Variants in D2HGDH observed in about 807,000 individuals in gnomAD.
D2HGDH encodes D-2-hydroxyglutarate dehydrogenase, mitochondrial.
A neutral mutation model predicts 46.9 loss-of-function variants in D2HGDH; 31 were observed. The observed-to-expected ratio is 0.66, with a 90% CI of 0.50 to 0.89. The LOEUF is 0.89. Ranked by LOEUF, D2HGDH falls within the 40% of genes least tolerant of loss-of-function variation. D2HGDH has a pLI of 0.00. For synonymous variants in D2HGDH, 364 were observed against 332.6 expected, an observed-to-expected ratio of 1.09 and a Z score of -1.03; for missense variants, 698 against 720.8, an observed-to-expected ratio of 0.97 and a Z score of 0.36.
At chr2:241,761,452 T>C (rs887148062) in intron 9 of D2HGDH, among the ~76,000 whole-genome samples, 2 of 151,998 alleles carry the variant, frequency 1.3e-5, no homozygotes, top group Non-Finnish European at 2.9e-5. Context: ...GGCAGGAGAA[T>C]TGCTTGAATC....
chr2:241,754,220 G>A (rs979239174), intron 8 of D2HGDH, among the ~76,000 whole-genome samples: 3 of 152,208 alleles, frequency 2.0e-5, no homozygotes, highest in Non-Finnish European at 2.9e-5. Flanking sequence ...GCCGATGCCC[G>A]CCAGACCATG....
At chr2:241,744,972 A>ACACCCCCCCC (rs1695463888) in intron 6 of D2HGDH, 95 bp downstream of exon 6, 1 of 1,270,686 alleles carries the variant, frequency 7.9e-7, no homozygotes, top group African/African-American at 1.5e-5. Context: ...GGATGGAGGG[A>ACACCCCCCCC]CCCCCCGCCA....
At chr2:241,754,335 C>T (rs979204903) in intron 8 of D2HGDH, among the ~76,000 whole-genome samples, 7 of 152,090 alleles carry the variant, frequency 4.6e-5, no homozygotes, top group South Asian at 2.1e-4. Context: ...CTGATCTGAC[C>T]GAACTAGCTC....
Position 241,742,476 on chromosome 2 carries a change from G to T in D2HGDH, c.392G>T (p.Gly131Val). ...ERNLAVNPQGGNTGMVGGSVP... is the reference protein window; with the variant it reads ...ERNLAVNPQGVNTGMVGGSVP... ...AACCTGGCCGTGAACCCACAGGGGGGCAACACAGGCATGGTGGGTGGCAGC... is the reference window on the plus strand; with the variant it reads ...AACCTGGCCGTGAACCCACAGGGGGTCAACACAGGCATGGTGGGTGGCAGC... Residue 131 changes from glycine to valine, a missense_variant, in exon 4 of 10, where the codon GGC becomes GTC. Transcript: ENST00000321264. This position sits in a 1 kb window ranked among gnomAD's most constrained non-coding sequence, Gnocchi z 4.8. 1.9e-6 allele frequency: 3 copies of T among 1,613,876 alleles called. No individual in the cohort carries two copies. The highest frequency in any genetic ancestry group is 1.7e-6 in the Non-Finnish European group (2 of 1,179,936).
intron 5 of D2HGDH, among the ~76,000 whole-genome samples, chr2:241,744,374 G>A (rs999463741): frequency 6.6e-6 from 1 of 152,132 alleles, no homozygotes; most frequent in Non-Finnish European, 1.5e-5. Flanking sequence ...AGCTGTGTAG[G>A]CCTCCGACTC....
intron 8 of D2HGDH, chr2:241,755,338 G>T (rs1697994898): frequency 1.2e-5 from 16 of 1,300,496 alleles, no homozygotes; most frequent in Non-Finnish European, 1.4e-5. Flanking sequence ...CCCTGCTGTT[G>T]TCCCCACTGC....
chr2:241,752,170 G>A (rs1252676008), intron 8 of D2HGDH, among the ~76,000 whole-genome samples: 1 of 152,192 alleles, frequency 6.6e-6, no homozygotes, highest in Non-Finnish European at 1.5e-5. Flanking sequence ...TAGCCTGGGT[G>A]TTGCCCTTGC....
rs752626142 is a variant in D2HGDH at position 241,743,671 on chromosome 2, T to C, written c.540T>C (p.Tyr180=). 3 of 1,614,030 alleles carry C rather than the reference T, an allele frequency of 1.9e-6. No individual in the cohort carries two copies. Among genetic ancestry groups the C allele is most frequent in the Non-Finnish European group, 2.5e-6 (3 of 1,179,986 alleles). ...AGCVLEELSR[Y]VEERDFIMPL... ...GCGTCCTGGAGGAGCTGAGCCGGTA[T>C]GTGGAGGAACGGGACTTCATCATGC... The change falls in exon 5 of 10, where the codon TAT becomes TAC. Residue 180 remains tyrosine (Y), a synonymous_variant. Coordinates refer to ENST00000321264, the MANE Select transcript of D2HGDH (RefSeq NM_152783.5). The surrounding 1 kb of genome is among the most constrained non-coding windows in gnomAD (Gnocchi z 4.8).
intron 8 of D2HGDH, 161 bp from the exon 9 acceptor site, chr2:241,755,688 G>T (rs1318987029): frequency 1.9e-6 from 3 of 1,555,212 alleles, no homozygotes; most frequent in Non-Finnish European, 2.6e-6. Context: ...GCTGTCTGGG[G>T]TTGGAGCCAC....
In D2HGDH at chr2:241,744,892, T is replaced by C; in HGVS notation, c.853+15T>C. ...GGCTTTCCTCGGTGGGCTTCCTCGA[T>C]GTGTGCCTTGAGATGGGTGGTTGGG... On this transcript the variant is annotated intron_variant, in intron 6 of 9. Coordinates refer to ENST00000321264, the MANE Select transcript of D2HGDH (RefSeq NM_152783.5). The C allele has an allele frequency of 6.2e-7, 1 of 1,613,722 alleles. No individual in the cohort carries two copies.
intron 2 of D2HGDH, among the ~76,000 whole-genome samples, chr2:241,736,861 A>G (rs1693015382): frequency 6.6e-6 from 1 of 151,154 alleles, no homozygotes; most frequent in African/African-American, 2.4e-5. Context: ...GGGTTTCACC[A>G]TGTTGACCAC....
At chr2:241,745,693 C>G (rs1575242799) in intron 6 of D2HGDH, among the ~76,000 whole-genome samples, 1 of 152,190 alleles carries the variant, frequency 6.6e-6, no homozygotes, top group Non-Finnish European at 1.5e-5. Context: ...GTCCGATCTT[C>G]TGTCTGGGAT....
intron 2 of D2HGDH, among the ~76,000 whole-genome samples, chr2:241,738,109 G>A (rs748214783): frequency 7.9e-5 from 12 of 152,192 alleles, no homozygotes; most frequent in Non-Finnish European, 1.3e-4. Context: ...GAAATCGCTG[G>A]ACCAATGGTC....
chr2:241,745,476 G>A (rs1303018702), intron 6 of D2HGDH, among the ~76,000 whole-genome samples: 1 of 152,204 alleles, frequency 6.6e-6, no homozygotes, highest in Non-Finnish European at 1.5e-5. Flanking sequence ...CAGTCTTCGC[G>A]CGGGAGGTGG....
At chr2:241,762,099 T>G (rs1575337063) in intron 9 of D2HGDH, among the ~76,000 whole-genome samples, 2 of 130,722 alleles carry the variant, frequency 1.5e-5, no homozygotes, top group Admixed American at 8.6e-5. Flanking sequence ...TGAGATGGAG[T>G]CCCGCTCTGT....
Position 241,768,223 on chromosome 2 carries a change from G to A in D2HGDH, c.*254G>A, listed in dbSNP as rs6713318. ...CCTCTGCAGCCATCCTGGACAGGCC[G>A]GGGTGGCGGCAGCTTTGCCCACGTG... is the stretch of plus-strand genomic sequence containing the variant. On this transcript the variant is annotated 3_prime_UTR_variant, in exon 10 of 10. Transcript: ENST00000321264. 63,215 of 580,100 alleles carry A rather than the reference G, an allele frequency of 0.11. 3,951 individuals are homozygous for A. Among genetic ancestry groups the A allele is most frequent in the African/African-American group, 0.19 (9,802 of 52,842 alleles). 35.9% of individuals were successfully genotyped at this position (580,100 alleles called of 1,614,324 possible).
Position 241,743,861 on chromosome 2 carries a change from C to G in D2HGDH, c.684+46C>G. On this transcript the variant is annotated intron_variant, in intron 5 of 9. Transcript: ENST00000321264. The surrounding 1 kb of genome is among the most constrained non-coding windows in gnomAD (Gnocchi z 4.8). Reference sequence around the variant, plus strand: ...GGTGCAGAGGTCGCCACGGGGTGTCCTCTCACGGCTCTCATGGGCCCACGT... The same window carrying G: ...GGTGCAGAGGTCGCCACGGGGTGTCGTCTCACGGCTCTCATGGGCCCACGT... 6.5e-7 allele frequency: 1 copy of G among 1,544,660 alleles called. No homozygotes were observed. The highest frequency in any genetic ancestry group is 8.8e-7 in the Non-Finnish European group (1 of 1,141,376).
chr2:241,735,091 A>G (rs1344263385), intron 1 of D2HGDH, 42 bp from the exon 2 acceptor site: 4 of 980,024 alleles, frequency 4.1e-6, no homozygotes, highest in South Asian at 1.9e-5. Context: ...TTCAATTTGT[A>G]CAACGTGCAT....
intron 9 of D2HGDH, among the ~76,000 whole-genome samples, chr2:241,760,435 T>C (rs1185839866): frequency 7.2e-6 from 1 of 139,402 alleles, no homozygotes; most frequent in African/African-American, 2.8e-5. Context: ...TGCCACAGCG[T>C]GGGTGGGCCT....
Sources: allele counts gnomAD v4.1 joint callset (sites outside exome capture counted in the v4.1 genomes callset), GRCh38; gene constraint gnomAD v4.1.1; non-coding constraint Gnocchi (gnomAD v3.1); transcripts MANE v1.5; gene names NCBI Gene and HGNC (gene_info 2026-07-23, HGNC 2026-07-21).